Variants in ATP1B3 observed in about 807,000 individuals in gnomAD.
ATP1B3 encodes ATPase Na+/K+ transporting subunit beta 3, also known as sodium/potassium-transporting ATPase subunit beta-3.
In ATP1B3, 10 loss-of-function variants were observed where a neutral mutation model predicts 30.2. The ratio of observed to expected loss-of-function variants is 0.33; its 90% CI spans 0.20 to 0.56. ATP1B3 has a LOEUF of 0.56. Among genes scored for constraint, ATP1B3 ranks in the 20% least tolerant of loss-of-function variants. The pLI, the probability that ATP1B3 is intolerant of heterozygous loss-of-function variation, is 0.90. For synonymous variants in ATP1B3, 113 were observed against 117.0 expected (o/e 0.97, Z 0.22); for missense variants, 238 against 336.7 (o/e 0.71, Z 2.29).
At chr3:141,923,608 A>G (rs1449189127) in intron 6 of ATP1B3, among the ~76,000 whole-genome samples, 2 of 152,240 alleles carry the variant, frequency 1.3e-5, no homozygotes, top group African/African-American at 4.8e-5. Context: ...AAGTTAACAT[A>G]TAGTGCTCTT....
chr3:141,890,258 T>TTTTTG (rs112951528), intron 1 of ATP1B3, among the ~76,000 whole-genome samples: 3 of 146,552 alleles, frequency 2.0e-5, no homozygotes, highest in African/African-American at 7.5e-5. Flanking sequence ...AATTTTTTGA[T>TTTTTG]TTTTGTTTGT....
chr3:141,924,121 A>G (rs1934612877), intron 6 of ATP1B3, among the ~76,000 whole-genome samples: 1 of 152,086 alleles, frequency 6.6e-6, no homozygotes, highest in African/African-American at 2.4e-5. Flanking sequence ...AGACAGGCGG[A>G]TCACCTGAGG....
chr3:141,907,356 A>C, intron 3 of ATP1B3, 82 bp downstream of exon 3: 80 of 951,906 alleles, frequency 8.4e-5, no homozygotes, highest in Middle Eastern at 3.4e-4. Context: ...ACGGTAGCTC[A>C]CGCCTGTAAT....
chr3:141,889,794 C>CGT (rs1482976530), intron 1 of ATP1B3, among the ~76,000 whole-genome samples: 4 of 133,070 alleles, frequency 3.0e-5, no homozygotes, highest in Non-Finnish European at 4.8e-5. Context: ...CACACACACA[C>CGT]ACGTATATCT....
intron 1 of ATP1B3, among the ~76,000 whole-genome samples, chr3:141,889,390 C>G (rs1933893242): frequency 6.6e-6 from 1 of 151,880 alleles, no homozygotes; most frequent in African/African-American, 2.4e-5. Flanking sequence ...CTAGGATAAA[C>G]TGAGAAATGG....
chr3:141,900,204 G>A (rs943916207), intron 1 of ATP1B3, among the ~76,000 whole-genome samples: 1 of 152,048 alleles, frequency 6.6e-6, no homozygotes, highest in African/African-American at 2.4e-5. Context: ...ACCAAACCAA[G>A]TCCCTACATG....
At chr3:141,885,559 C>G (rs1933813015) in intron 1 of ATP1B3, among the ~76,000 whole-genome samples, 1 of 152,140 alleles carries the variant, frequency 6.6e-6, no homozygotes, top group African/African-American at 2.4e-5. Flanking sequence ...AGTGATTCTC[C>G]TGTCTTAGCC....
chr3:141,913,599 GT>G (rs1934405516), intron 3 of ATP1B3, 52 bp from the exon 4 acceptor site: 1 of 1,433,890 alleles, frequency 7.0e-7, no homozygotes, highest in Admixed American at 2.4e-5. Flanking sequence ...ATTCCTGGTT[GT>G]TTTTAGTACC....
intron 2 of ATP1B3, among the ~76,000 whole-genome samples, chr3:141,904,204 T>C (rs1051537187): frequency 6.6e-6 from 1 of 152,170 alleles, no homozygotes; most frequent in African/African-American, 2.4e-5. Context: ...TTAATTTTTG[T>C]TGTTGTTGTT....
intron 1 of ATP1B3, among the ~76,000 whole-genome samples, chr3:141,899,955 G>A (rs1017033416): frequency 5.9e-5 from 9 of 152,122 alleles, no homozygotes; most frequent in African/African-American, 1.2e-4. Flanking sequence ...CACTTGAGCC[G>A]AGGATTTTGA....
chr3:141,892,519 G>A (rs1012996312), intron 1 of ATP1B3, among the ~76,000 whole-genome samples: 2 of 151,702 alleles, frequency 1.3e-5, no homozygotes, highest in Non-Finnish European at 1.5e-5. Context: ...TAGGCTGGGC[G>A]CAGTGACACA....
At chr3:141,890,580 GGC>G in intron 1 of ATP1B3, among the ~76,000 whole-genome samples, 4 of 151,960 alleles carry the variant, frequency 2.6e-5, no homozygotes, top group African/African-American at 9.7e-5. Context: ...TAGGATTACA[GGC>G]GTGAGCCACC....
intron 1 of ATP1B3, among the ~76,000 whole-genome samples, chr3:141,890,285 CTTTTTTTTTTTTTTTTTTTTTTTT>C (rs775182342): frequency 3.5e-5 from 1 of 28,554 alleles, no homozygotes; most frequent in Admixed American, 6.8e-4. Context: ...TTTTGTGGGG[CTTTTTTTTTTTTTTTTTTTTTTTT>C]TTTTTTTTTT....
chr3:141,918,524 T>C (rs1934508496), intron 5 of ATP1B3, among the ~76,000 whole-genome samples: 1 of 151,766 alleles, frequency 6.6e-6, no homozygotes, highest in African/African-American at 2.4e-5. Flanking sequence ...AGCTCACCTT[T>C]GCCTCCCGGG....
chr3:141,902,066 G>C, intron 1 of ATP1B3: 1 of 1,155,192 alleles, frequency 8.7e-7, no homozygotes, highest in Non-Finnish European at 1.2e-6. Flanking sequence ...TGGGCTTTCT[G>C]TGTGTTTCAT....
intron 1 of ATP1B3, among the ~76,000 whole-genome samples, chr3:141,891,490 T>C (rs1352803066): frequency 6.6e-6 from 1 of 152,224 alleles, no homozygotes; most frequent in African/African-American, 2.4e-5. Context: ...ATTTTAATTT[T>C]CCTAAAAAAT....
intron 1 of ATP1B3, among the ~76,000 whole-genome samples, chr3:141,883,286 G>GA (rs1559864298): frequency 6.6e-6 from 1 of 152,194 alleles, no homozygotes. Flanking sequence ...CCAGGAGTTA[G>GA]AAATCAGCCT....
chr3:141,925,864 T>A lies in ATP1B3; in HGVS notation c.*163T>A. On this transcript the variant is annotated 3_prime_UTR_variant, in exon 7 of 7. Transcript: ENST00000286371. Reference sequence around the variant, plus strand: ...TGCTTCCAGATCATAGTGTTCAGTGTCCTCTGAAGTAACTGCCTGTTGCCT... The same window carrying A: ...TGCTTCCAGATCATAGTGTTCAGTGACCTCTGAAGTAACTGCCTGTTGCCT... 3 of 852,830 alleles carry A rather than the reference T, an allele frequency of 3.5e-6. No homozygotes were observed. Among genetic ancestry groups the A allele is most frequent in the Non-Finnish European group, 5.2e-6 (3 of 572,898 alleles). The allele number at this position is 852,830 out of a possible 1,614,324, so 52.8% of individuals were successfully genotyped here.
At chr3:141,924,653 A>G (rs1049769356) in intron 6 of ATP1B3, among the ~76,000 whole-genome samples, 1 of 151,960 alleles carries the variant, frequency 6.6e-6, no homozygotes, top group African/African-American at 2.4e-5. Flanking sequence ...AAAAAAGAAT[A>G]TTAAAAAATA....
Sources: allele counts gnomAD v4.1 joint callset (sites outside exome capture counted in the v4.1 genomes callset), GRCh38; gene constraint gnomAD v4.1.1; transcripts MANE v1.5; gene names NCBI Gene and HGNC (gene_info 2026-07-23, HGNC 2026-07-21).